The following ME1 variants were observed in gnomAD, a reference collection of about 807,000 sequenced individuals.
ME1 encodes the protein NADP-dependent malic enzyme.
A neutral mutation model predicts 66.4 loss-of-function variants in ME1; 74 were observed. The observed-to-expected ratio is 1.11, with a 90% CI of 0.92 to 1.35. The LOEUF is 1.35. Ranked by LOEUF, ME1 falls within the 40% of genes most tolerant of loss-of-function variation. The pLI, the probability that ME1 is intolerant of heterozygous loss-of-function variation, is 0.00. For synonymous variants in ME1, 251 were observed against 235.6 expected (o/e 1.07, Z -0.60); for missense variants, 750 against 694.1 (o/e 1.08, Z -0.90).
At chr6:83,274,494 A>T (rs1290592665) in intron 6 of ME1, among the ~76,000 whole-genome samples, 1 of 152,194 alleles carries the variant, frequency 6.6e-6, no homozygotes, top group African/African-American at 2.4e-5. Context: ...TTACTAAAAA[A>T]CTTTTTTTCA....
intron 1 of ME1, among the ~76,000 whole-genome samples, chr6:83,418,959 C>G (rs1770212732): frequency 6.6e-6 from 1 of 152,064 alleles, no homozygotes; most frequent in Non-Finnish European, 1.5e-5. Context: ...AGAGAAGAAA[C>G]AGCATGTATA....
chr6:83,406,785 C>G (rs1039358238), intron 2 of ME1, among the ~76,000 whole-genome samples: 20 of 152,072 alleles, frequency 1.3e-4, no homozygotes, highest in Non-Finnish European at 2.9e-5. Context: ...TGGCTGAAGG[C>G]CTTAATAGCA....
chr6:83,239,343 T>C (rs1340404205), intron 8 of ME1, among the ~76,000 whole-genome samples, 196 bp downstream of exon 8: 1 of 151,980 alleles, frequency 6.6e-6, no homozygotes, highest in Non-Finnish European at 1.5e-5. Context: ...CTGTGAAAAA[T>C]ATCTCATTAC....
intron 2 of ME1, 41 bp downstream of exon 2, chr6:83,407,727 G>A: frequency 1.3e-6 from 2 of 1,519,488 alleles, no homozygotes; most frequent in Non-Finnish European, 1.8e-6. Flanking sequence ...CTAGACAACT[G>A]CATAAGAGAA....
intron 11 of ME1, among the ~76,000 whole-genome samples, chr6:83,226,120 T>C (rs1790195000): frequency 6.6e-6 from 1 of 152,068 alleles, no homozygotes; most frequent in South Asian, 2.1e-4. Flanking sequence ...TTTTCTCCAA[T>C]CCTTTAGCCA....
In ME1 at chr6:83,380,438, C is replaced by T. The variant is rs144340191; in HGVS notation, c.362+17929G>A. ...TTTTTGAAAATCCACTCCCTTTTGA[C>T]AGTCTTCAAGGGTAAATATGCAGTA... On this transcript the variant is annotated intron_variant, in intron 3 of 13. Transcript: ENST00000369705. Among the ~76,000 whole-genome samples, 232 of 152,022 alleles carry T rather than the reference C, an allele frequency of 1.5e-3. 3 individuals carry two copies. The highest frequency in any genetic ancestry group is 5.3e-3 in the African/African-American group (220 of 41,468).
At chr6:83,254,519 TAG>T (rs1790771139) in intron 6 of ME1, among the ~76,000 whole-genome samples, 2 of 152,214 alleles carry the variant, frequency 1.3e-5, no homozygotes, top group African/African-American at 4.8e-5. Context: ...GATTAGACCA[TAG>T]CAGCAGCTTT....
At chr6:83,309,158 T>C (rs1767883818) in intron 6 of ME1, among the ~76,000 whole-genome samples, 1 of 152,150 alleles carries the variant, frequency 6.6e-6, no homozygotes, top group Non-Finnish European at 1.5e-5. Context: ...TGATAAGCTT[T>C]CCTGGGGTTT....
At chr6:83,319,975 A>G (rs1324744378) in intron 5 of ME1, among the ~76,000 whole-genome samples, 1 of 152,234 alleles carries the variant, frequency 6.6e-6, no homozygotes, top group Non-Finnish European at 1.5e-5. Flanking sequence ...CCTCATTTGC[A>G]TCTAGATCAG....
chr6:83,268,859 G>A (rs140700464), intron 6 of ME1, among the ~76,000 whole-genome samples: 2,069 of 151,836 alleles, frequency 0.014, 46 homozygotes, highest in African/African-American at 0.046. Context: ...CCCAAAGTGC[G>A]GGGGTTATAG....
chr6:83,409,919 C>T (rs1770018594), intron 1 of ME1, among the ~76,000 whole-genome samples: 1 of 152,186 alleles, frequency 6.6e-6, no homozygotes, highest in Non-Finnish European at 1.5e-5. Flanking sequence ...GGTCTCTTTC[C>T]AAGAGGATAA....
At chr6:83,317,957 T>C (rs1286936359) in intron 5 of ME1, among the ~76,000 whole-genome samples, 4 of 152,044 alleles carry the variant, frequency 2.6e-5, no homozygotes, top group Admixed American at 6.5e-5. Flanking sequence ...AACAGAGATA[T>C]AGATCAACGG....
chr6:83,402,914 T>G (rs1402992937), intron 2 of ME1, among the ~76,000 whole-genome samples: 1 of 152,206 alleles, frequency 6.6e-6, no homozygotes, highest in Non-Finnish European at 1.5e-5. Context: ...CCATAAGTAT[T>G]TCTTCCTTGT....
intron 1 of ME1, among the ~76,000 whole-genome samples, chr6:83,417,017 A>G (rs1036258297): frequency 3.9e-5 from 6 of 152,146 alleles, no homozygotes; most frequent in African/African-American, 1.4e-4. Flanking sequence ...ATTACTTTGA[A>G]ATTACTGTAG....
intron 3 of ME1, among the ~76,000 whole-genome samples, chr6:83,389,521 G>A (rs1173736817): frequency 6.6e-6 from 1 of 152,038 alleles, no homozygotes; most frequent in Admixed American, 6.6e-5. Context: ...AATATCAAAA[G>A]TAGGAACATG....
intron 3 of ME1, chr6:83,392,269 C>T (rs1423756589): frequency 9.1e-5 from 44 of 485,038 alleles, no homozygotes; most frequent in East Asian, 1.7e-4. Flanking sequence ...TCGATATTGT[C>T]GCCATCAATG....
chr6:83,341,137 C>CA (rs1768573442), intron 5 of ME1, among the ~76,000 whole-genome samples: 1 of 152,058 alleles, frequency 6.6e-6, no homozygotes, highest in Non-Finnish European at 1.5e-5. Context: ...GGCAATCAAT[C>CA]AATCAATCAA....
intron 7 of ME1, among the ~76,000 whole-genome samples, chr6:83,246,091 G>A (rs1425578994): frequency 1.3e-5 from 2 of 152,086 alleles, no homozygotes; most frequent in African/African-American, 4.8e-5. Flanking sequence ...ACATAATGAA[G>A]AATGTCATTG....
intron 1 of ME1, among the ~76,000 whole-genome samples, chr6:83,428,353 AG>A (rs1770412024): frequency 6.6e-6 from 1 of 152,200 alleles, no homozygotes; most frequent in Non-Finnish European, 1.5e-5. Flanking sequence ...ATAATAGAAA[AG>A]TGAAGAAAAT....
Sources: allele counts gnomAD v4.1 joint callset (sites outside exome capture counted in the v4.1 genomes callset), GRCh38; gene constraint gnomAD v4.1.1; transcripts MANE v1.5; gene names NCBI Gene and HGNC (gene_info 2026-07-23, HGNC 2026-07-21).